METTL15: variants seen among roughly 807,000 people sequenced by gnomAD.
The protein encoded by METTL15 is methyltransferase 15, mitochondrial 12S rRNA N4-cytidine.
In METTL15, 34 loss-of-function variants were observed where a neutral mutation model predicts 38.3. The ratio of observed to expected loss-of-function variants is 0.89; its 90% CI spans 0.68 to 1.18. The LOEUF (loss-of-function observed/expected upper bound fraction) is 1.18. Ranked by LOEUF, METTL15 falls within the 50% of genes most tolerant of loss-of-function variation. The pLI is 0.00. For missense variants in METTL15, 438 were observed against 498.4 expected (o/e 0.88, Z 1.15); for synonymous variants, 162 against 170.9 (o/e 0.95, Z 0.41).
Position 28,184,606 on chromosome 11 carries a change from T to TA in METTL15, c.271-26453dup, listed in dbSNP as rs553463427. On this transcript the variant is annotated intron_variant, in intron 3 of 6. Transcript: ENST00000407364. ...TCTTATTTCTGAAGGATAACACGTT[T>TA]AAATACTTAGTACAGTACTTAGCTT... Among the ~76,000 whole-genome samples, 46 of 151,870 alleles carry TA rather than the reference T, an allele frequency of 3.0e-4. No homozygotes were observed. The South Asian group carries it at 9.5e-3, about 31-fold the overall frequency.
At chr11:28,461,037 G>A (rs1028325577) in intron 6 of METTL15, among the ~76,000 whole-genome samples, 36 of 152,054 alleles carry the variant, frequency 2.4e-4, no homozygotes, top group Non-Finnish European at 4.6e-4. Context: ...TTAAGATGCA[G>A]AGACTCAAGT....
chr11:28,207,602 G>A (rs377104609), intron 3 of METTL15, among the ~76,000 whole-genome samples: 49 of 152,022 alleles, frequency 3.2e-4, no homozygotes, highest in Admixed American at 1.5e-3. Context: ...CGGCTTTGGT[G>A]TCAGGATGAT....
intron 3 of METTL15, among the ~76,000 whole-genome samples, chr11:28,160,539 A>G (rs1373380462): frequency 6.6e-6 from 1 of 152,160 alleles, no homozygotes; most frequent in Non-Finnish European, 1.5e-5. Context: ...GTTCATGGTT[A>G]AATATCGATC....
At chr11:28,392,441 G>C (rs1850519620) in intron 5 of METTL15, among the ~76,000 whole-genome samples, 1 of 151,894 alleles carries the variant, frequency 6.6e-6, no homozygotes, top group Non-Finnish European at 1.5e-5. Context: ...TTTGGTATAT[G>C]GTCAAATGAT....
chr11:28,135,850 C>G (rs1849497059), intron 3 of METTL15, among the ~76,000 whole-genome samples: 1 of 152,126 alleles, frequency 6.6e-6, no homozygotes, highest in African/African-American at 2.4e-5. Flanking sequence ...AAAAACAAAA[C>G]AAGGATGAGC....
At chr11:28,462,774 A>G (rs1195918407) in intron 6 of METTL15, among the ~76,000 whole-genome samples, 1 of 152,096 alleles carries the variant, frequency 6.6e-6, no homozygotes, top group Non-Finnish European at 1.5e-5. Flanking sequence ...AGCTGTAACA[A>G]TGGGAGAAAG....
chr11:28,382,544 A>T (rs905300484), intron 5 of METTL15, among the ~76,000 whole-genome samples: 1 of 152,034 alleles, frequency 6.6e-6, no homozygotes, highest in Non-Finnish European at 1.5e-5. Flanking sequence ...TGAATATGAA[A>T]GTTCACCTCT....
At chr11:28,246,729 A>G (rs892012182) in intron 4 of METTL15, among the ~76,000 whole-genome samples, 2 of 152,126 alleles carry the variant, frequency 1.3e-5, no homozygotes, top group Non-Finnish European at 2.9e-5. Flanking sequence ...CTTCATGCTC[A>G]CATCTCCTAC....
rs145885743 is a variant in METTL15 at position 28,123,199 on chromosome 11, C to T, written c.270+9595C>T. Among the ~76,000 whole-genome samples, 740 of 152,204 alleles carry T rather than the reference C, an allele frequency of 4.9e-3. 11 individuals are homozygous for T. Among genetic ancestry groups the T allele is most frequent in the African/African-American group, 0.017 (716 of 41,560 alleles). ...AAAGCACATACACACGAGTCATCCT[C>T]AGTACTTGTTACTCTCTAGGTCAGC... On this transcript the variant is annotated intron_variant, in intron 3 of 6. Coordinates refer to ENST00000407364, the MANE Select transcript of METTL15 (RefSeq NM_001113528.2).
At chr11:28,511,675 A>C (rs1205893498) in intron 6 of METTL15, among the ~76,000 whole-genome samples, 1 of 151,970 alleles carries the variant, frequency 6.6e-6, no homozygotes, top group Non-Finnish European at 1.5e-5. Context: ...TGGTGGGTTC[A>C]TGGTCTCACT....
In METTL15 at chr11:28,198,160, C is replaced by T. The variant is rs544082539; in HGVS notation, c.271-12902C>T. 1.2e-4 allele frequency among the ~76,000 whole-genome samples: 19 copies of T among 152,114 alleles called. 1 individual carries two copies. In the South Asian group the frequency reaches 2.9e-3, roughly 23 times the overall value. ...AAAACTATTTGTCTTTTAAAAAAGA[C>T]GCTGACAGATTGGCATTGTCTTGGA... On this transcript the variant is annotated intron_variant, in intron 3 of 6. Transcript: ENST00000407364.
chr11:28,531,566 G>A (rs775242545), downstream of METTL15, among the ~76,000 whole-genome samples: 1 of 151,944 alleles, frequency 6.6e-6, no homozygotes, highest in African/African-American at 2.4e-5. Context: ...GAATCTCTCC[G>A]ATCCTGTTTC....
At chr11:28,428,703 A>G (rs2133427259) in intron 6 of METTL15, among the ~76,000 whole-genome samples, 1 of 152,338 alleles carries the variant, frequency 6.6e-6, no homozygotes, top group Non-Finnish European at 1.5e-5. Context: ...GCTCAAGACC[A>G]TCATTCTGAC....
chr11:28,440,049 C>A (rs2133439647), intron 6 of METTL15, among the ~76,000 whole-genome samples: 1 of 152,166 alleles, frequency 6.6e-6, no homozygotes, highest in African/African-American at 2.4e-5. Context: ...AGGCTAAGAC[C>A]CTGACTGTGG....
At chr11:28,290,170 A>G (rs1205231156) in intron 4 of METTL15, 36 bp from the exon 5 acceptor site, 6 of 1,541,634 alleles carry the variant, frequency 3.9e-6, no homozygotes, top group South Asian at 1.2e-5. Context: ...TCAATCTAAC[A>G]GAAGTGTTTT....
chr11:28,523,204 T>C (rs1851782359), intron 6 of METTL15, among the ~76,000 whole-genome samples: 1 of 152,270 alleles, frequency 6.6e-6, no homozygotes, highest in Non-Finnish European at 1.5e-5. Context: ...ACCTATTCCC[T>C]TGTGCTCTTG....
At chr11:28,426,606 T>TTTTTTCTTTTTTG (rs1850867622) in intron 6 of METTL15, among the ~76,000 whole-genome samples, 1 of 148,776 alleles carries the variant, frequency 6.7e-6, no homozygotes, top group African/African-American at 2.5e-5. Context: ...TTTTTTTTTT[T>TTTTTTCTTTTTTG]GACTTTTTAG....
chr11:28,439,747 A>G (rs1851017950), intron 6 of METTL15, among the ~76,000 whole-genome samples: 1 of 152,188 alleles, frequency 6.6e-6, no homozygotes, highest in Admixed American at 6.5e-5. Flanking sequence ...GGAATTTTAT[A>G]GGACTGTGGA....
At chr11:28,129,963 GA>G in intron 3 of METTL15, among the ~76,000 whole-genome samples, 1 of 152,142 alleles carries the variant, frequency 6.6e-6, no homozygotes, top group Middle Eastern at 3.4e-3. Context: ...AATTGATGGA[GA>G]AAAAGCTAGG....
Sources: allele counts gnomAD v4.1 joint callset (sites outside exome capture counted in the v4.1 genomes callset), GRCh38; gene constraint gnomAD v4.1.1; transcripts MANE v1.5; gene names NCBI Gene and HGNC (gene_info 2026-07-23, HGNC 2026-07-21).